The following MZT1 variants were observed in gnomAD, a reference collection of about 807,000 sequenced individuals.
The protein encoded by MZT1 is mitotic-spindle organizing protein 1.
A neutral mutation model predicts 8.5 loss-of-function variants in MZT1; 8 were observed. The ratio of observed to expected loss-of-function variants is 0.94; its 90% CI spans 0.55 to 1.70. MZT1 has a LOEUF of 1.70. Ranked by LOEUF, MZT1 falls within the 40% of genes most tolerant of loss-of-function variation. The pLI, the probability that MZT1 is intolerant of heterozygous loss-of-function variation, is 0.00. For missense variants in MZT1, 93 were observed against 108.6 expected (o/e 0.86, Z 0.64); for synonymous variants, 38 against 42.0 (o/e 0.90, Z 0.37).
intron 1 of MZT1, among the ~76,000 whole-genome samples, chr13:72,719,496 G>C (rs547850918): frequency 1.2e-3 from 189 of 152,132 alleles, no homozygotes; most frequent in African/African-American, 4.3e-3. Flanking sequence ...TTAAAAGTTA[G>C]GCTGCTCTCA....
At chr13:72,716,861 T>C (rs2032540016) in intron 2 of MZT1, among the ~76,000 whole-genome samples, 1 of 152,194 alleles carries the variant, frequency 6.6e-6, no homozygotes, top group Non-Finnish European at 1.5e-5. Flanking sequence ...AGCAGTCCCA[T>C]GGTCTCTGAG....
At chr13:72,713,607 A>G (rs1408378432) in intron 2 of MZT1, among the ~76,000 whole-genome samples, 1 of 152,204 alleles carries the variant, frequency 6.6e-6, no homozygotes, top group Non-Finnish European at 1.5e-5. Flanking sequence ...CATTCTTAGT[A>G]CAGACATAAC....
At chr13:72,714,612 G>C (rs965007245) in intron 2 of MZT1, among the ~76,000 whole-genome samples, 2 of 152,216 alleles carry the variant, frequency 1.3e-5, no homozygotes, top group Non-Finnish European at 2.9e-5. Flanking sequence ...CCAGGCTCAG[G>C]GCCCCGCAGC....
At position 72,709,526 on chromosome 13, in the gene MZT1, C is replaced by A. The variant is rs191564101; in HGVS notation, c.*796G>T. The A allele has an allele frequency of 6.6e-6, 1 of 151,652 alleles. No homozygotes were observed. Among genetic ancestry groups the A allele is most frequent in the African/African-American group, 2.4e-5 (1 of 41,360 alleles). The allele number at this position is 151,652 out of a possible 1,614,324, so 9.4% of individuals were successfully genotyped here. On this transcript the variant is annotated 3_prime_UTR_variant, in exon 3 of 3. Coordinates refer to ENST00000377818, the MANE Select transcript of MZT1 (RefSeq NM_001071775.3). ...TTTCATTTTACAAATTTTTTTATTC[C>A]GTTATTTATAGGATATAAAACTTTA...
At chr13:72,712,093 C>G (rs117287960) in intron 2 of MZT1, among the ~76,000 whole-genome samples, 270 of 152,126 alleles carry the variant, frequency 1.8e-3, no homozygotes, top group Non-Finnish European at 3.4e-3. Flanking sequence ...GGATGCATTA[C>G]TTTCATAAAA....
chr13:72,723,069 T>G (rs1161622011), intron 1 of MZT1, among the ~76,000 whole-genome samples: 1 of 152,186 alleles, frequency 6.6e-6, no homozygotes. Flanking sequence ...TTCTAACAGT[T>G]TTTCAGTTGA....
chr13:72,710,162 T>C lies in MZT1; in HGVS notation c.*160A>G, dbSNP rs1024781466. 1 of 657,896 alleles carries C rather than the reference T, an allele frequency of 1.5e-6. No individual in the cohort carries two copies. The highest frequency in any genetic ancestry group is 2.6e-6 in the Non-Finnish European group (1 of 382,180). The allele number at this position is 657,896 out of a possible 1,614,324, so 40.8% of individuals were successfully genotyped here. A position where few individuals can be genotyped will look rare whatever the true frequency, so the allele number is the denominator to read the frequency against. On this transcript the variant is annotated 3_prime_UTR_variant, in exon 3 of 3. Coordinates refer to ENST00000377818, the MANE Select transcript of MZT1 (RefSeq NM_001071775.3). Reference sequence around the variant, plus strand: ...CTGATAGTTCTCTCTGTAAGCCACTTTCCACTGATTTATAAAGCTATGGTT... The same window carrying C: ...CTGATAGTTCTCTCTGTAAGCCACTCTCCACTGATTTATAAAGCTATGGTT...
intron 2 of MZT1, among the ~76,000 whole-genome samples, chr13:72,717,342 T>TTC (rs35313036): frequency 0.37 from 54,724 of 146,930 alleles, 10,385 homozygotes; most frequent in East Asian, 0.49. Context: ...ACTTTCTTTT[T>TTC]TTTTTTTTTT....
rs1484611192 is a variant in MZT1, at chr13:72,724,727, T to TAC, written c.79+2796_79+2797insGT. 1.3e-4 allele frequency among the ~76,000 whole-genome samples: 4 copies of TAC among 30,446 alleles called. 1 individual carries two copies. Among genetic ancestry groups the TAC allele is most frequent in the African/African-American group, 1.9e-4 (4 of 20,554 alleles). The allele number at this position is 30,446 out of a possible 152,430, so 20.0% of individuals were successfully genotyped here. A position where few individuals can be genotyped will look rare whatever the true frequency, so the allele number is the denominator to read the frequency against. The stretch of plus-strand genomic sequence containing the variant: ...ATATATATATATATATACATATATA[T>TAC]ATATATATATATACACATATATATA... On this transcript the variant is annotated intron_variant, in intron 1 of 2. Transcript: ENST00000377818.
chr13:72,718,480 CTTT>C (rs749593284), intron 2 of MZT1, among the ~76,000 whole-genome samples: 1 of 142,424 alleles, frequency 7.0e-6, no homozygotes, highest in African/African-American at 2.6e-5. Context: ...AGTAATTTTT[CTTT>C]TTTTTTTTTT....
At chr13:72,710,526 T>A (rs892436841) in intron 2 of MZT1, among the ~76,000 whole-genome samples, 181 bp from the exon 3 acceptor site, 1 of 152,178 alleles carries the variant, frequency 6.6e-6, no homozygotes, top group African/African-American at 2.4e-5. Flanking sequence ...ACCTTTTGAA[T>A]GTACAGTTAA....
intron 2 of MZT1, among the ~76,000 whole-genome samples, chr13:72,713,235 TA>T: frequency 6.6e-6 from 1 of 152,214 alleles, no homozygotes; most frequent in Non-Finnish European, 1.5e-5. Context: ...TCCTTAGCAG[TA>T]AACTACTAAT....
At chr13:72,713,167 T>C (rs2032504299) in intron 2 of MZT1, among the ~76,000 whole-genome samples, 1 of 152,192 alleles carries the variant, frequency 6.6e-6, no homozygotes, top group Non-Finnish European at 1.5e-5. Context: ...AAATCTCAGG[T>C]CAATCACTAA....
At position 72,724,701 on chromosome 13, in the gene MZT1, A is replaced by AAT. The variant is rs71198160; in HGVS notation, c.79+2821_79+2822dup. 1.1e-3 allele frequency among the ~76,000 whole-genome samples: 37 copies of AAT among 32,648 alleles called. 3 individuals are homozygous for AAT. Among genetic ancestry groups the AAT allele is most frequent in the South Asian group, 3.8e-3 (2 of 532 alleles). 21.4% of individuals were successfully genotyped at this position (32,648 alleles called of 152,430 possible). ...TTACAGGCACCCGTACTTACTACTA[A>AAT]ATATATATATATATATACATATATA... is the stretch of plus-strand genomic sequence containing the variant. On this transcript the variant is annotated intron_variant, in intron 1 of 2. Transcript: ENST00000377818.
rs1433479130 is a variant in MZT1 at position 72,724,716 on chromosome 13, A to G, written c.79+2808T>C. Reference sequence around the variant, plus strand: ...CTTACTACTAAATATATATATATATATACATATATATATATATATATATAC... The same window carrying G: ...CTTACTACTAAATATATATATATATGTACATATATATATATATATATATAC... On this transcript the variant is annotated intron_variant, in intron 1 of 2. Coordinates refer to ENST00000377818, the MANE Select transcript of MZT1 (RefSeq NM_001071775.3). Among the ~76,000 whole-genome samples the G allele has an allele frequency of 1.4e-3, 32 of 23,060 alleles. 6 individuals carry two copies. In the Admixed American group the frequency reaches 0.021, roughly 15 times the overall value. The allele number at this position is 23,060 out of a possible 152,430, so 15.1% of individuals were successfully genotyped here.
In MZT1 at chr13:72,709,710, A is replaced by C. The variant is rs1019036939; in HGVS notation, c.*612T>G. On this transcript the variant is annotated 3_prime_UTR_variant, in exon 3 of 3. Transcript: ENST00000377818. ...ACCTGGTTCACACTATTAGCTGCCC[A>C]ACAAACTGTTTGAAAAACTAAATAT... The C allele has an allele frequency of 6.6e-6, 1 of 152,108 alleles. No individual in the cohort carries two copies. Among genetic ancestry groups the C allele is most frequent in the Non-Finnish European group, 1.5e-5 (1 of 67,952 alleles). The allele number at this position is 152,108 out of a possible 1,614,324, so 9.4% of individuals were successfully genotyped here. A position where few individuals can be genotyped will look rare whatever the true frequency, so the allele number is the denominator to read the frequency against.
In MZT1 at chr13:72,709,297, C is replaced by A. The variant is rs1394673706; in HGVS notation, c.*1025G>T. On this transcript the variant is annotated 3_prime_UTR_variant, in exon 3 of 3. Transcript: ENST00000377818. ...TATTTCTTCAAAAAATAGCAAGTAT[C>A]CTTTGAAACACATCACCCATCTAAT... The A allele has an allele frequency of 6.6e-6, 1 of 151,416 alleles. No individual in the cohort carries two copies. Among genetic ancestry groups the A allele is most frequent in the African/African-American group, 2.4e-5 (1 of 41,304 alleles). 9.4% of individuals were successfully genotyped at this position (151,416 alleles called of 1,614,324 possible). A position where few individuals can be genotyped will look rare whatever the true frequency, so the allele number is the denominator to read the frequency against.
intron 2 of MZT1, among the ~76,000 whole-genome samples, chr13:72,710,856 C>A (rs896311143): frequency 6.6e-6 from 1 of 152,100 alleles, no homozygotes; most frequent in Admixed American, 6.5e-5. Context: ...TCAATAAATA[C>A]TTTGATACAT....
chr13:72,714,271 A>C (rs1389465692), intron 2 of MZT1, among the ~76,000 whole-genome samples: 1 of 152,244 alleles, frequency 6.6e-6, no homozygotes, highest in Non-Finnish European at 1.5e-5. Flanking sequence ...CAAGTGTTCA[A>C]CATGTTGCAT....
Sources: allele counts gnomAD v4.1 joint callset (sites outside exome capture counted in the v4.1 genomes callset), GRCh38; gene constraint gnomAD v4.1.1; transcripts MANE v1.5; gene names NCBI Gene and HGNC (gene_info 2026-07-23, HGNC 2026-07-21).